The following CNTN5 variants were observed in gnomAD, a reference collection of about 807,000 sequenced individuals.
CNTN5 encodes the protein contactin 5, also known as contactin-5.
Under a neutral mutation model 129.1 loss-of-function variants are expected in CNTN5, and 77 were observed. The ratio of observed to expected loss-of-function variants is 0.60; its 90% CI spans 0.50 to 0.72. The LOEUF is 0.72. CNTN5 is among the 30% of genes least tolerant of loss of function. The pLI, the probability that CNTN5 is intolerant of heterozygous loss-of-function variation, is 0.00. For missense variants in CNTN5, 1,478 were observed against 1,328.8 expected, an observed-to-expected ratio of 1.11 and a Z score of -1.75; for synonymous variants, 509 against 465.6, an observed-to-expected ratio of 1.09 and a Z score of -1.20.
intron 2 of CNTN5, among the ~76,000 whole-genome samples, chr11:99,351,294 A>G (rs1447648359): frequency 6.6e-6 from 1 of 152,214 alleles, no homozygotes; most frequent in Admixed American, 6.5e-5. Flanking sequence ...ACCACTCCCA[A>G]TACCGTGAGG....
intron 13 of CNTN5, among the ~76,000 whole-genome samples, chr11:100,094,765 A>AGGAAAGGAAGGAAGGAAGGAAGGAAGG (rs1944931366): frequency 8.8e-6 from 1 of 113,940 alleles, no homozygotes; most frequent in Non-Finnish European, 1.8e-5. Flanking sequence ...GGGAGGGAGG[A>AGGAAAGGAAGGAAGGAAGGAAGGAAGG]AAGGAAGGAA....
chr11:99,980,234 C>G (rs1938247668), intron 8 of CNTN5, among the ~76,000 whole-genome samples: 1 of 152,076 alleles, frequency 6.6e-6, no homozygotes, highest in African/African-American at 2.4e-5. Flanking sequence ...CAATTACCAG[C>G]TATATTTTAA....
intron 1 of CNTN5, among the ~76,000 whole-genome samples, chr11:99,094,190 C>A (rs1866376049): frequency 6.6e-6 from 1 of 151,816 alleles, no homozygotes; most frequent in Non-Finnish European, 1.5e-5. Context: ...ATCATTCTCA[C>A]AAAAGTAACC....
intron 1 of CNTN5, among the ~76,000 whole-genome samples, chr11:99,165,395 T>C (rs1170040193): frequency 6.6e-6 from 1 of 152,180 alleles, no homozygotes; most frequent in Non-Finnish European, 1.5e-5. Flanking sequence ...AAATTTGGCA[T>C]GTCAGGCCTT....
At chr11:100,286,781 G>A in intron 18 of CNTN5, among the ~76,000 whole-genome samples, 5 of 145,684 alleles carry the variant, frequency 3.4e-5, no homozygotes, top group African/African-American at 1.3e-4. Flanking sequence ...GCTGAGAGAA[G>A]AAGGCTTCAG....
intron 13 of CNTN5, among the ~76,000 whole-genome samples, chr11:100,124,733 A>T (rs188998109): frequency 6.6e-6 from 1 of 152,198 alleles, no homozygotes; most frequent in Non-Finnish European, 1.5e-5. Flanking sequence ...CTGAAAGGGA[A>T]CAAAAGAGAG....
chr11:100,055,980 C>T (rs550516621), intron 9 of CNTN5, among the ~76,000 whole-genome samples: 20 of 151,514 alleles, frequency 1.3e-4, no homozygotes, highest in Admixed American at 4.6e-4. Context: ...TGTCTCCCTT[C>T]CTCTCAGTGC....
At chr11:99,661,246 A>C (rs1952582382) in intron 3 of CNTN5, among the ~76,000 whole-genome samples, 1 of 152,208 alleles carries the variant, frequency 6.6e-6, no homozygotes, top group Admixed American at 6.5e-5. Flanking sequence ...TCTACAGCAC[A>C]GAAAATTCTC....
At chr11:100,242,139 T>G (rs1433828778) in intron 16 of CNTN5, among the ~76,000 whole-genome samples, 1 of 152,160 alleles carries the variant, frequency 6.6e-6, no homozygotes, top group Non-Finnish European at 1.5e-5. Context: ...CATTATCACC[T>G]CCACTCTCCT....
intron 13 of CNTN5, among the ~76,000 whole-genome samples, chr11:100,144,134 C>T (rs1337734148): frequency 2.6e-5 from 4 of 152,082 alleles, no homozygotes; most frequent in East Asian, 1.9e-4. Context: ...GTATCTGCTT[C>T]GATCCATGTT....
At chr11:99,035,170 G>T (rs1035554264) in intron 1 of CNTN5, among the ~76,000 whole-genome samples, 2 of 151,514 alleles carry the variant, frequency 1.3e-5, no homozygotes, top group Non-Finnish European at 2.9e-5. Context: ...TACATTTGCC[G>T]AGGAGAGCTT....
intron 5 of CNTN5, 50 bp from the exon 6 acceptor site, chr11:99,845,037 G>A: frequency 6.2e-7 from 1 of 1,608,586 alleles, no homozygotes; most frequent in Non-Finnish European, 8.5e-7. Context: ...ATGATATTCT[G>A]ACACTCTCAG....
intron 2 of CNTN5, among the ~76,000 whole-genome samples, chr11:99,337,786 C>T (rs1866299354): frequency 6.6e-6 from 1 of 151,322 alleles, no homozygotes; most frequent in African/African-American, 2.4e-5. Flanking sequence ...TGAGGCTATT[C>T]AAAGAAAAAA....
At chr11:99,153,622 C>T (rs1284533190) in intron 1 of CNTN5, among the ~76,000 whole-genome samples, 2 of 151,814 alleles carry the variant, frequency 1.3e-5, no homozygotes, top group African/African-American at 4.8e-5. Context: ...ATCTATATCA[C>T]AAATTGTATT....
chr11:100,205,457 A>G (rs1290608825), intron 15 of CNTN5, among the ~76,000 whole-genome samples: 2 of 152,060 alleles, frequency 1.3e-5, no homozygotes, highest in Non-Finnish European at 2.9e-5. Flanking sequence ...CTATTGGACT[A>G]TTATTCACTT....
chr11:99,213,429 C>A (rs12282074), intron 1 of CNTN5, among the ~76,000 whole-genome samples: 518 of 134,288 alleles, frequency 3.9e-3, no homozygotes, highest in African/African-American at 0.015. Context: ...CATATATACA[C>A]GTGTATATAT....
Position 99,916,135 on chromosome 11 carries a change from C to T in CNTN5, c.659C>T (p.Pro220Leu), listed in dbSNP as rs778708984. The change falls in exon 7 of 25, where the codon CCG becomes CTG. Residue 220 changes from proline to leucine, a missense_variant. Coordinates refer to ENST00000524871, the MANE Select transcript of CNTN5 (RefSeq NM_014361.4). ...GQGVVLMCSP[P>L]PHSPEIIYSW... is the part of the protein sequence containing the mutation. Reference sequence around the variant, plus strand: ...GGTGTCGTTCTGATGTGCTCTCCTCCGCCACATTCACCAGGTACAGTAGGA... The same window carrying T: ...GGTGTCGTTCTGATGTGCTCTCCTCTGCCACATTCACCAGGTACAGTAGGA... 32 of 1,611,056 alleles carry T rather than the reference C, an allele frequency of 2.0e-5. No homozygotes were observed. The highest frequency in any genetic ancestry group is 3.4e-5 in the Admixed American group (2 of 59,624).
intron 8 of CNTN5, among the ~76,000 whole-genome samples, chr11:99,983,335 G>C (rs570521693): frequency 6.6e-6 from 1 of 152,248 alleles, no homozygotes; most frequent in African/African-American, 2.4e-5. Flanking sequence ...TTATGGAGTG[G>C]AGAAAAGTGT....
At chr11:100,002,523 T>A (rs1399369177) in intron 9 of CNTN5, among the ~76,000 whole-genome samples, 1 of 152,144 alleles carries the variant, frequency 6.6e-6, no homozygotes, top group East Asian at 1.9e-4. Context: ...TTATAAGACA[T>A]AATAAGACAG....
Sources: gnomAD v4.1 joint callset for allele counts (sites outside exome capture counted in the v4.1 genomes callset) on GRCh38, gnomAD v4.1.1 for gene constraint, MANE v1.5 for transcripts, NCBI Gene and HGNC (gene_info 2026-07-23, HGNC 2026-07-21) for gene names.